TFAP2D: variants seen among roughly 807,000 people sequenced by gnomAD.
TFAP2D encodes transcription factor AP-2 delta, also known as transcription factor AP-2-delta.
Under a neutral mutation model 43.6 loss-of-function variants are expected in TFAP2D, and 9 were observed. The ratio of observed to expected loss-of-function variants is 0.21; its 90% CI spans 0.12 to 0.36. TFAP2D has a LOEUF of 0.36. TFAP2D is among the 10% of genes least tolerant of loss of function. TFAP2D has a pLI of 1.00. For missense variants in TFAP2D, 513 were observed against 561.4 expected, an observed-to-expected ratio of 0.91 and a Z score of 0.87; for synonymous variants, 256 against 224.9, an observed-to-expected ratio of 1.14 and a Z score of -1.24.
intron 5 of TFAP2D, among the ~76,000 whole-genome samples, chr6:50,729,789 T>C (rs905622100): frequency 6.6e-6 from 1 of 152,110 alleles, no homozygotes; most frequent in Non-Finnish European, 1.5e-5. Flanking sequence ...TCTAAAGACA[T>C]GGTGAACTTT....
At chr6:50,734,148 T>G (rs1707971214) in intron 5 of TFAP2D, among the ~76,000 whole-genome samples, 1 of 152,014 alleles carries the variant, frequency 6.6e-6, no homozygotes, top group African/African-American at 2.4e-5. Flanking sequence ...TGCTCTTGTC[T>G]TTCATTTCAA....
chr6:50,732,789 T>C (rs1275867275), intron 5 of TFAP2D, among the ~76,000 whole-genome samples: 1 of 152,094 alleles, frequency 6.6e-6, no homozygotes, highest in Non-Finnish European at 1.5e-5. Context: ...CAACACTTGT[T>C]ACTGACATAA....
chr6:50,719,255 A>G, intron 3 of TFAP2D, 105 bp downstream of exon 3: 2 of 1,171,920 alleles, frequency 1.7e-6, no homozygotes, highest in Middle Eastern at 2.2e-4. Context: ...ATGATTAAGA[A>G]AACAATTATG....
intron 5 of TFAP2D, among the ~76,000 whole-genome samples, chr6:50,731,413 G>A (rs112477978): frequency 2.2e-4 from 34 of 151,186 alleles, no homozygotes; most frequent in Non-Finnish European, 2.8e-4. Flanking sequence ...GCGCCCTTCC[G>A]CTCTTGACAT....
chr6:50,742,076 G>A (rs1769053633), intron 5 of TFAP2D, among the ~76,000 whole-genome samples: 1 of 152,020 alleles, frequency 6.6e-6, no homozygotes, highest in African/African-American at 2.4e-5. Context: ...GACATCTGTT[G>A]TAAAGGACTT....
chr6:50,756,598 C>T (rs965341006), intron 7 of TFAP2D, among the ~76,000 whole-genome samples: 1 of 152,022 alleles, frequency 6.6e-6, no homozygotes, highest in African/African-American at 2.4e-5. Flanking sequence ...GTATGCATAG[C>T]AGTGACCCTT....
chr6:50,731,449 T>TACATAC (rs1002329238), intron 5 of TFAP2D, among the ~76,000 whole-genome samples: 1 of 149,274 alleles, frequency 6.7e-6, no homozygotes, highest in African/African-American at 2.5e-5. Context: ...CCCACTTTCA[T>TACATAC]ACACACACAC....
chr6:50,742,808 A>G (rs143181984), intron 5 of TFAP2D, among the ~76,000 whole-genome samples: 51 of 152,220 alleles, frequency 3.4e-4, no homozygotes, highest in African/African-American at 1.1e-3. Context: ...ACATGAGTTT[A>G]TCCTCTGGTC....
At chr6:50,746,536 C>G (rs1001375220) in intron 6 of TFAP2D, among the ~76,000 whole-genome samples, 14 of 152,098 alleles carry the variant, frequency 9.2e-5, no homozygotes, top group African/African-American at 3.4e-4. Flanking sequence ...CTATGCCCAG[C>G]CTTAGGGAAA....
chr6:50,768,089 G>A (rs1769468864), intron 7 of TFAP2D, among the ~76,000 whole-genome samples: 1 of 152,100 alleles, frequency 6.6e-6, no homozygotes, highest in African/African-American at 2.4e-5. Flanking sequence ...ATATGCAAAT[G>A]CCAAGGGTAA....
intron 5 of TFAP2D, among the ~76,000 whole-genome samples, chr6:50,730,594 G>A (rs1369295706): frequency 6.6e-6 from 1 of 152,068 alleles, no homozygotes; most frequent in Non-Finnish European, 1.5e-5. Flanking sequence ...TAAAATTATA[G>A]TTATCATTGT....
intron 4 of TFAP2D, 85 bp downstream of exon 4, chr6:50,729,106 T>C (rs1768847964): frequency 1.9e-6 from 3 of 1,601,118 alleles, no homozygotes; most frequent in South Asian, 1.1e-5. Context: ...TTCCATCTGA[T>C]AGTGTATTCC....
At chr6:50,726,380 C>T (rs1768808166) in intron 3 of TFAP2D, among the ~76,000 whole-genome samples, 1 of 152,204 alleles carries the variant, frequency 6.6e-6, no homozygotes, top group African/African-American at 2.4e-5. Flanking sequence ...ATAATTCATA[C>T]ATATACTCAA....
At chr6:50,735,407 C>A (rs1235113761) in intron 5 of TFAP2D, among the ~76,000 whole-genome samples, 1 of 152,108 alleles carries the variant, frequency 6.6e-6, no homozygotes, top group East Asian at 1.9e-4. Context: ...TTGGTCCTCC[C>A]CTCCTGCTAG....
chr6:50,739,681 T>A (rs538983185), intron 5 of TFAP2D, among the ~76,000 whole-genome samples: 9 of 152,294 alleles, frequency 5.9e-5, no homozygotes, highest in African/African-American at 1.2e-4. Flanking sequence ...TTCTAACAAG[T>A]CTCTTTTGCT....
chr6:50,753,296 T>C (rs1440379334), intron 7 of TFAP2D, among the ~76,000 whole-genome samples: 1 of 151,986 alleles, frequency 6.6e-6, no homozygotes, highest in Non-Finnish European at 1.5e-5. Context: ...CATCAGATAG[T>C]AAGCCATCCT....
chr6:50,743,204 AAT>A (rs1346485365), intron 5 of TFAP2D, among the ~76,000 whole-genome samples: 2 of 152,140 alleles, frequency 1.3e-5, no homozygotes, highest in Non-Finnish European at 2.9e-5. Flanking sequence ...GCTCATGTGA[AAT>A]ATGTGTGGAG....
rs115162706 is a variant in TFAP2D, at chr6:50,746,769, G to T, written c.1025+1521G>T. ...ATATGGGATACTTGCCATCTCACAG[G>T]TTTGTCCAAGACACTTGAGTCCCTT... On this transcript the variant is annotated intron_variant, in intron 6 of 7. Transcript: ENST00000008391. Among the ~76,000 whole-genome samples the T allele has an allele frequency of 7.4e-3, 1,132 of 152,204 alleles. 16 individuals carry two copies. The highest frequency in any genetic ancestry group is 0.026 in the African/African-American group (1,072 of 41,530).
intron 3 of TFAP2D, among the ~76,000 whole-genome samples, chr6:50,728,463 CT>C (rs1017818468): frequency 6.6e-6 from 1 of 152,168 alleles, no homozygotes; most frequent in African/African-American, 2.4e-5. Flanking sequence ...CATTGTGCAT[CT>C]GTGTGTGTAC....
Sources: allele counts gnomAD v4.1 joint callset (sites outside exome capture counted in the v4.1 genomes callset), GRCh38; gene constraint gnomAD v4.1.1; transcripts MANE v1.5; gene names NCBI Gene and HGNC (gene_info 2026-07-23, HGNC 2026-07-21).